Variants in SSH2 observed in about 807,000 individuals in gnomAD.
The protein encoded by SSH2 is slingshot protein phosphatase 2.
In SSH2, 37 loss-of-function variants were observed where a neutral mutation model predicts 135.2. The observed-to-expected ratio is 0.27, with a 90% CI of 0.21 to 0.36. The LOEUF is 0.36. Ranked by LOEUF, SSH2 falls within the 10% of genes least tolerant of loss-of-function variation. The pLI is 1.00. For synonymous variants in SSH2, 628 were observed against 646.2 expected, an observed-to-expected ratio of 0.97 and a Z score of 0.43; for missense variants, 1,408 against 1,765.3, an observed-to-expected ratio of 0.80 and a Z score of 3.63.
intron 5 of SSH2, among the ~76,000 whole-genome samples, chr17:29,692,993 C>A (rs931142617): frequency 6.6e-6 from 1 of 152,148 alleles, no homozygotes; most frequent in Non-Finnish European, 1.5e-5. Flanking sequence ...GAGGGTCTTG[C>A]ACTGTTGCCC....
At chr17:29,701,347 T>A (rs1002423135) in intron 4 of SSH2, among the ~76,000 whole-genome samples, 2 of 151,396 alleles carry the variant, frequency 1.3e-5, no homozygotes, top group African/African-American at 4.9e-5. Context: ...CCTCAGGTGA[T>A]CCACCTGCCT....
chr17:29,830,467 T>C (rs12947475), intron 2 of SSH2, among the ~76,000 whole-genome samples: 23,297 of 152,232 alleles, frequency 0.15, 2,366 homozygotes, highest in Non-Finnish European at 0.22. Flanking sequence ...ATTCTCATAG[T>C]ATTGTATACT....
intron 1 of SSH2, among the ~76,000 whole-genome samples, chr17:29,882,820 T>C (rs2066163594): frequency 6.6e-6 from 1 of 152,092 alleles, no homozygotes; most frequent in South Asian, 2.1e-4. Context: ...TCAAAGACAA[T>C]TTTTTTCTTT....
intron 3 of SSH2, among the ~76,000 whole-genome samples, chr17:29,744,571 G>A (rs1043855522): frequency 6.6e-6 from 1 of 152,118 alleles, no homozygotes; most frequent in Admixed American, 6.5e-5. Flanking sequence ...TGATTTTCAC[G>A]TGTATTTGAC....
chr17:29,772,218 G>A (rs2151274242), intron 3 of SSH2, among the ~76,000 whole-genome samples: 1 of 151,448 alleles, frequency 6.6e-6, no homozygotes, highest in Admixed American at 6.6e-5. Context: ...CTACCATAGT[G>A]TGAGGTGAGA....
intron 14 of SSH2, among the ~76,000 whole-genome samples, chr17:29,639,901 C>T (rs1454585266): frequency 6.6e-6 from 1 of 152,124 alleles, no homozygotes; most frequent in African/African-American, 2.4e-5. Flanking sequence ...CTATCCCTCA[C>T]CTATCATGAG....
At chr17:29,765,393 T>C (rs1199149773) in intron 3 of SSH2, among the ~76,000 whole-genome samples, 1 of 152,200 alleles carries the variant, frequency 6.6e-6, no homozygotes, top group African/African-American at 2.4e-5. Context: ...ATCGTGAGGA[T>C]TAATTAATTT....
chr17:29,627,035 CG>C lies in SSH2; in HGVS notation c.*3805del, dbSNP rs1188543701. On this transcript the variant is annotated 3_prime_UTR_variant, in exon 16 of 16. Coordinates refer to ENST00000540801, the MANE Select transcript of SSH2 (RefSeq NM_001282129.2). ...GCTGGATGGGAGGGCAGGACACAGA[CG>C]GAAGTCAGCTTCAGCGTATACCCAC... The C allele has an allele frequency of 3.3e-5, 5 of 152,304 alleles. No individual in the cohort carries two copies. The highest frequency in any genetic ancestry group is 1.5e-5 in the Non-Finnish European group (1 of 68,052). The allele number at this position is 152,304 out of a possible 1,614,324, so 9.4% of individuals were successfully genotyped here.
Position 29,878,532 on chromosome 17 carries a change from T to C in SSH2, c.64-29603A>G, listed in dbSNP as rs191536551. Among the ~76,000 whole-genome samples the C allele has an allele frequency of 7.9e-5, 12 of 152,296 alleles. No homozygotes were observed. The East Asian group carries it at 2.1e-3, about 27-fold the overall frequency. ...TGTGACACATAGTTGATGCTCAAAA[T>C]ATATGTTTAGAATAAATAAATCAAT... is the stretch of plus-strand genomic sequence containing the variant. On this transcript the variant is annotated intron_variant, in intron 1 of 15. Transcript: ENST00000540801.
chr17:29,738,565 T>A (rs149415206), intron 3 of SSH2, among the ~76,000 whole-genome samples: 36 of 150,976 alleles, frequency 2.4e-4, no homozygotes, highest in African/African-American at 6.8e-4. Context: ...ATTTTATTTT[T>A]TTTTTTGAGA....
intron 3 of SSH2, among the ~76,000 whole-genome samples, chr17:29,755,304 T>A (rs2041078391): frequency 6.6e-6 from 1 of 152,226 alleles, no homozygotes; most frequent in East Asian, 1.9e-4. Flanking sequence ...TTTTTTCTAG[T>A]AGAATTAACA....
intron 3 of SSH2, among the ~76,000 whole-genome samples, chr17:29,783,485 A>G (rs2041888589): frequency 6.6e-6 from 1 of 152,054 alleles, no homozygotes; most frequent in Non-Finnish European, 1.5e-5. Flanking sequence ...GGCAGGACGC[A>G]TCCAGCATGG....
At chr17:29,707,461 T>C (rs2039251409) in intron 3 of SSH2, among the ~76,000 whole-genome samples, 1 of 151,958 alleles carries the variant, frequency 6.6e-6, no homozygotes, top group Non-Finnish European at 1.5e-5. Flanking sequence ...GCTTTCCTAT[T>C]TGAAACACAA....
At chr17:29,760,097 G>A (rs962163994) in intron 3 of SSH2, among the ~76,000 whole-genome samples, 3 of 152,100 alleles carry the variant, frequency 2.0e-5, no homozygotes, top group African/African-American at 4.8e-5. Flanking sequence ...AGTTTAATTC[G>A]ATTTGGTAGG....
At chr17:29,648,788 G>T (rs1046820629) in intron 13 of SSH2, among the ~76,000 whole-genome samples, 2 of 152,076 alleles carry the variant, frequency 1.3e-5, no homozygotes, top group African/African-American at 4.8e-5. Flanking sequence ...CTTGAGGTTG[G>T]GGGTTCGAGA....
chr17:29,673,159 C>T (rs914973531), intron 8 of SSH2, among the ~76,000 whole-genome samples: 34 of 152,152 alleles, frequency 2.2e-4, no homozygotes, highest in Non-Finnish European at 4.9e-4. Context: ...AGAGCAAGAA[C>T]TTTTCTACAT....
Position 29,684,654 on chromosome 17 carries a change from G to T in SSH2, c.388C>A (p.Arg130=). Residue 130 remains arginine (R), a synonymous_variant, in exon 6 of 16, where the codon CGA becomes AGA. Transcript: ENST00000540801. ...AVRLESTYQN[R]TRYMVVVSTN... is the part of the protein sequence containing the mutation. The stretch of plus-strand genomic sequence containing the variant: ...GAAACCACTACCATATAGCGTGTTC[G>T]ATTCTGGTAAGTACTTTCCAGTCTT... 6.2e-7 allele frequency: 1 copy of T among 1,612,754 alleles called. No individual in the cohort carries two copies. The highest frequency in any genetic ancestry group is 1.1e-5 in the South Asian group (1 of 90,860).
intron 3 of SSH2, among the ~76,000 whole-genome samples, chr17:29,754,925 T>C (rs556696409): frequency 3.0e-4 from 46 of 152,254 alleles, no homozygotes; most frequent in Admixed American, 5.9e-4. Flanking sequence ...TCCCAAAGAA[T>C]TGAGATTATA....
At chr17:29,766,944 T>C (rs949362542) in intron 3 of SSH2, among the ~76,000 whole-genome samples, 1 of 152,178 alleles carries the variant, frequency 6.6e-6, no homozygotes, top group Non-Finnish European at 1.5e-5. Context: ...CTTTATATAA[T>C]ACAATAAACC....
Sources: gnomAD v4.1 joint callset for allele counts (sites outside exome capture counted in the v4.1 genomes callset) on GRCh38, gnomAD v4.1.1 for gene constraint, MANE v1.5 for transcripts, NCBI Gene and HGNC (gene_info 2026-07-23, HGNC 2026-07-21) for gene names.